CTNNA2: variants seen among roughly 807,000 people sequenced by gnomAD.
CTNNA2 encodes catenin alpha-2.
A neutral mutation model predicts 101.0 loss-of-function variants in CTNNA2; 42 were observed. That is an observed-to-expected ratio of 0.42 (90% CI 0.32 to 0.54). The LOEUF (loss-of-function observed/expected upper bound fraction) is 0.54, where lower values mean the gene tolerates loss of function less well. Among genes scored for constraint, CTNNA2 ranks in the 20% least tolerant of loss-of-function variants. CTNNA2 has a pLI of 0.14. For missense variants in CTNNA2, 871 were observed against 1,223.1 expected (o/e 0.71, Z 4.29); for synonymous variants, 450 against 456.4 (o/e 0.99, Z 0.18).
At chr2:80,558,119 G>A (rs1387811954) in intron 12 of CTNNA2, among the ~76,000 whole-genome samples, 1 of 152,128 alleles carries the variant, frequency 6.6e-6, no homozygotes, top group Non-Finnish European at 1.5e-5. Flanking sequence ...GAAATAGACA[G>A]CTTATATATA....
chr2:80,570,651 C>T (rs1274984984), intron 12 of CTNNA2, among the ~76,000 whole-genome samples: 1 of 152,122 alleles, frequency 6.6e-6, no homozygotes, highest in Non-Finnish European at 1.5e-5. Flanking sequence ...AATATTAAGG[C>T]TCAATTGCAC....
At chr2:79,378,166 T>A (rs976384902) in intron 4 of CTNNA2, among the ~76,000 whole-genome samples, 1 of 152,134 alleles carries the variant, frequency 6.6e-6, no homozygotes, top group Non-Finnish European at 1.5e-5. Flanking sequence ...GTATAAGGTA[T>A]AATTTTACCA....
rs181976154 is a variant in CTNNA2, at chr2:80,494,686, C to G, written c.1291-50296C>G. Among the ~76,000 whole-genome samples the G allele has an allele frequency of 2.3e-3, 307 of 133,478 alleles. 3 individuals are homozygous for G. Among genetic ancestry groups the G allele is most frequent in the African/African-American group, 8.4e-3 (293 of 34,972 alleles). 87.6% of individuals were successfully genotyped at this position (133,478 alleles called of 152,430 possible). On this transcript the variant is annotated intron_variant, in intron 9 of 18. Coordinates refer to ENST00000402739, the MANE Select transcript of CTNNA2 (RefSeq NM_001282597.3). ...CTTACAGAAAAGCTAGACGAAGGGACAGTTTAGCTCATATTAAGTATGTCT... is the reference window on the plus strand; with the variant it reads ...CTTACAGAAAAGCTAGACGAAGGGAGAGTTTAGCTCATATTAAGTATGTCT...
At chr2:80,223,599 C>T (rs1006206542) in intron 7 of CTNNA2, among the ~76,000 whole-genome samples, 2 of 152,180 alleles carry the variant, frequency 1.3e-5, no homozygotes, top group Non-Finnish European at 2.9e-5. Flanking sequence ...AAAATTTTCT[C>T]AGTCTCCTTA....
At chr2:79,927,386 T>C (rs964859687) in intron 7 of CTNNA2, among the ~76,000 whole-genome samples, 1 of 152,042 alleles carries the variant, frequency 6.6e-6, no homozygotes, top group African/African-American at 2.4e-5. Flanking sequence ...TAAGAGGCCA[T>C]AGAGACCTAC....
intron 16 of CTNNA2, among the ~76,000 whole-genome samples, chr2:80,605,951 C>T (rs17019479): frequency 0.01 from 1,549 of 151,924 alleles, 31 homozygotes; most frequent in African/African-American, 0.035. Flanking sequence ...ACAGCATAAA[C>T]TGAGGGTTTT....
rs79329261 is a variant in CTNNA2, at chr2:80,136,027, A to G, written c.1056+226230A>G. ...CCCAAATATTTCCTGCCTTAGTGTG[A>G]GATACTAAGTAGGTAAACTTAATCT... On this transcript the variant is annotated intron_variant, in intron 7 of 18. Coordinates refer to ENST00000402739, the MANE Select transcript of CTNNA2 (RefSeq NM_001282597.3). Among the ~76,000 whole-genome samples the G allele has an allele frequency of 4.2e-3, 637 of 152,286 alleles. 2 individuals are homozygous for G. Among genetic ancestry groups the G allele is most frequent in the East Asian group, 0.021 (107 of 5,184 alleles).
At chr2:79,272,511 A>G (rs1675107719) in intron 2 of CTNNA2, among the ~76,000 whole-genome samples, 1 of 152,108 alleles carries the variant, frequency 6.6e-6, no homozygotes, top group South Asian at 2.1e-4. Flanking sequence ...TATTCTGTTA[A>G]TATTACTTAT....
chr2:80,113,607 CT>C (rs1701344561), intron 7 of CTNNA2, among the ~76,000 whole-genome samples: 1 of 152,190 alleles, frequency 6.6e-6, no homozygotes, highest in Admixed American at 6.5e-5. Context: ...TTTATGGCTG[CT>C]TTTGCACTGT....
Position 79,570,864 on chromosome 2 carries a change from C to T in CTNNA2, c.-6+57657C>T, listed in dbSNP as rs181160768. On this transcript the variant is annotated intron_variant, in intron 1 of 18. Transcript: ENST00000402739. ...CAATGAAATAATATACTCCTGCCCT[C>T]AGGAGACCACAGCAGAGAAAATGTA... Among the ~76,000 whole-genome samples, 670 of 152,222 alleles carry T rather than the reference C, an allele frequency of 4.4e-3. 3 individuals carry two copies. Among genetic ancestry groups the T allele is most frequent in the African/African-American group, 0.015 (630 of 41,534 alleles).
chr2:80,604,271 C>A, intron 16 of CTNNA2, 92 bp downstream of exon 16: 1 of 920,826 alleles, frequency 1.1e-6, no homozygotes, highest in Non-Finnish European at 1.7e-6. Context: ...CTATAAAATG[C>A]CTCTGAAGAA....
chr2:80,639,870 A>G (rs1673276907), intron 18 of CTNNA2, among the ~76,000 whole-genome samples: 1 of 152,094 alleles, frequency 6.6e-6, no homozygotes, highest in Non-Finnish European at 1.5e-5. Flanking sequence ...TGGGAGGTCG[A>G]GGTGGGCAGA....
intron 7 of CTNNA2, among the ~76,000 whole-genome samples, chr2:80,122,532 T>C (rs766770403): frequency 6.6e-6 from 1 of 152,226 alleles, no homozygotes; most frequent in African/African-American, 2.4e-5. Context: ...CAGCAGTCAT[T>C]TTCAAGCTGT....
chr2:79,228,731 G>C (rs1279492427), intron 2 of CTNNA2, among the ~76,000 whole-genome samples: 1 of 148,422 alleles, frequency 6.7e-6, no homozygotes, highest in Non-Finnish European at 1.5e-5. Context: ...TTTTTTTTTT[G>C]CTGGGCAGAA....
chr2:79,939,084 A>G (rs1480294520), intron 7 of CTNNA2, among the ~76,000 whole-genome samples: 2 of 152,210 alleles, frequency 1.3e-5, no homozygotes, highest in Admixed American at 6.5e-5. Flanking sequence ...TCTCCGTTAT[A>G]TTATAGAATT....
chr2:79,880,078 A>C (rs1203390633), intron 6 of CTNNA2, among the ~76,000 whole-genome samples: 4 of 152,098 alleles, frequency 2.6e-5, no homozygotes, highest in African/African-American at 9.7e-5. Flanking sequence ...TGAGATAATC[A>C]TGTGGTTTTG....
intron 9 of CTNNA2, among the ~76,000 whole-genome samples, chr2:80,481,743 T>G (rs1354025310): frequency 6.6e-6 from 1 of 152,158 alleles, no homozygotes; most frequent in African/African-American, 2.4e-5. Flanking sequence ...GCTTTTGCTT[T>G]GCAGCCTCTA....
chr2:79,205,121 A>C (rs1674084926), intron 2 of CTNNA2, among the ~76,000 whole-genome samples: 1 of 152,214 alleles, frequency 6.6e-6, no homozygotes, highest in Non-Finnish European at 1.5e-5. Flanking sequence ...GGGTCATAGA[A>C]GGTTATATGG....
chr2:80,280,000 T>TAACA (rs1250489224), intron 7 of CTNNA2, among the ~76,000 whole-genome samples: 1 of 151,954 alleles, frequency 6.6e-6, no homozygotes, highest in Non-Finnish European at 1.5e-5. Flanking sequence ...AACACTCACC[T>TAACA]AACAGTGCTG....
Sources: gnomAD v4.1 joint callset for allele counts (sites outside exome capture counted in the v4.1 genomes callset) on GRCh38, gnomAD v4.1.1 for gene constraint, MANE v1.5 for transcripts, NCBI Gene and HGNC (gene_info 2026-07-23, HGNC 2026-07-21) for gene names.